SLC30A5: variants seen among roughly 807,000 people sequenced by gnomAD.
SLC30A5 encodes the protein solute carrier family 30 member 5.
A neutral mutation model predicts 79.6 loss-of-function variants in SLC30A5; 33 were observed. That is an observed-to-expected ratio of 0.41 (90% CI 0.31 to 0.55). The LOEUF (loss-of-function observed/expected upper bound fraction) is 0.55, where lower values mean the gene tolerates loss of function less well. Among genes scored for constraint, SLC30A5 ranks in the 20% least tolerant of loss-of-function variants. SLC30A5 has a pLI of 0.20. For missense variants in SLC30A5, 788 were observed against 928.1 expected (o/e 0.85, Z 1.96); for synonymous variants, 299 against 319.7 (o/e 0.94, Z 0.69).
chr5:69,108,799 G>A (rs1309798033), intron 5 of SLC30A5, among the ~76,000 whole-genome samples: 2 of 138,540 alleles, frequency 1.4e-5, no homozygotes, highest in Non-Finnish European at 3.0e-5. Context: ...TCCAACCTGG[G>A]CAATAGAGTG....
At chr5:69,101,113 G>A (rs1258178849) in intron 2 of SLC30A5, among the ~76,000 whole-genome samples, 184 bp downstream of exon 2, 1 of 152,180 alleles carries the variant, frequency 6.6e-6, no homozygotes, top group South Asian at 2.1e-4. Flanking sequence ...AAAAGAAAAC[G>A]GATTGTTGTG....
chr5:69,113,266 G>A, intron 6 of SLC30A5, 39 bp downstream of exon 6: 1 of 1,508,910 alleles, frequency 6.6e-7, no homozygotes, highest in South Asian at 1.2e-5. Flanking sequence ...TTCAAGTCTT[G>A]AGGAAAACTA....
Position 69,094,240 on chromosome 5 carries a change from GCT to G in SLC30A5, c.-14_-13del. 8.3e-7 allele frequency: 1 copy of G among 1,208,524 alleles called. No individual in the cohort carries two copies. The highest frequency in any genetic ancestry group is 1.1e-6 in the Non-Finnish European group (1 of 949,196). 74.9% of individuals were successfully genotyped at this position (1,208,524 alleles called of 1,614,324 possible). ...CCCCGCGACAGGGGCAGCGGCGGCG[GCT>G]CGTGAGCCCCGGGATGGAGGAGAAA... On this transcript the variant is annotated 5_prime_UTR_variant, in exon 1 of 16. It removes the in-frame stop codon of an upstream open reading frame in the 5' UTR. Coordinates refer to ENST00000396591, the MANE Select transcript of SLC30A5 (RefSeq NM_022902.5).
At position 69,129,636 on chromosome 5, in the gene SLC30A5, C is replaced by A; in HGVS notation, c.*19C>A. 1 of 1,580,642 alleles carries A rather than the reference C, an allele frequency of 6.3e-7. No individual in the cohort carries two copies. The highest frequency in any genetic ancestry group is 1.8e-5 in the Admixed American group (1 of 55,436). On this transcript the variant is annotated 3_prime_UTR_variant, in exon 16 of 16. Transcript: ENST00000396591. ...CATGTGAGATAACTCAAGAATTACCCCTGGAGAATAAACAATGAAGATTAA... is the reference window on the plus strand; with the variant it reads ...CATGTGAGATAACTCAAGAATTACCACTGGAGAATAAACAATGAAGATTAA...
rs1462747635 is a variant in SLC30A5 at position 69,131,033 on chromosome 5, CTT to C, written c.*1417_*1418del. 4 of 151,916 alleles carry C rather than the reference CTT, an allele frequency of 2.6e-5. No homozygotes were observed. The highest frequency in any genetic ancestry group is 5.9e-5 in the Non-Finnish European group (4 of 68,010). The allele number at this position is 151,916 out of a possible 1,614,324, so 9.4% of individuals were successfully genotyped here. On this transcript the variant is annotated 3_prime_UTR_variant, in exon 16 of 16. Transcript: ENST00000396591. Reference sequence around the variant, plus strand: ...CTTTTGCATATTTTTTGGCCAAAATCTTCAATACATATTAAAATTTTTGAGTG... The same window carrying C: ...CTTTTGCATATTTTTTGGCCAAAATCCAATACATATTAAAATTTTTGAGTG...
chr5:69,110,797 C>A (rs115577080), intron 5 of SLC30A5, among the ~76,000 whole-genome samples: 2,387 of 152,190 alleles, frequency 0.016, 35 homozygotes, highest in Non-Finnish European at 0.026. Flanking sequence ...ATAAATCACC[C>A]ATTTCAGTTT....
rs1745654123 is a variant in SLC30A5 at position 69,094,317 on chromosome 5, C to T, written c.62C>T (p.Pro21Leu). Residue 21 changes from proline (P) to leucine (L), a missense_variant, in exon 1 of 16, where the codon CCG (proline) becomes CTG (leucine). By Grantham distance (98) the Pro-to-Leu change is moderately conservative. Coordinates refer to ENST00000396591, the MANE Select transcript of SLC30A5 (RefSeq NM_022902.5). ...CCCGGCGGCGGCGGCGGCCTTGGGC[C>T]GGTGGACGTACCCAGCGCTCGGTAA... is the stretch of plus-strand genomic sequence containing the variant. Reference protein sequence around the residue: ...AGPGGGGGLGPVDVPSARLTK... With the variant: ...AGPGGGGGLGLVDVPSARLTK... The T allele has an allele frequency of 8.0e-7, 1 of 1,253,998 alleles. No homozygotes were observed. The highest frequency in any genetic ancestry group is 1.0e-6 in the Non-Finnish European group (1 of 992,096). 77.7% of individuals were successfully genotyped at this position (1,253,998 alleles called of 1,614,324 possible).
chr5:69,128,136 A>T lies in SLC30A5; in HGVS notation c.2127+4A>T. The T allele has an allele frequency of 1.2e-6, 2 of 1,600,710 alleles. No individual in the cohort carries two copies. The highest frequency in any genetic ancestry group is 1.7e-6 in the Non-Finnish European group (2 of 1,174,086). ...AGAACAAAGAATAGTACAGCAGGTAATCTTTTGTTTTTAAAGTAATTTTAA... is the reference window on the plus strand; with the variant it reads ...AGAACAAAGAATAGTACAGCAGGTATTCTTTTGTTTTTAAAGTAATTTTAA... On this transcript the variant is annotated splice_donor_region_variant and intron_variant, in intron 15 of 15. Transcript: ENST00000396591.
chr5:69,107,515 CTTATGTTCTGTATATAATT>C (rs143544250), intron 4 of SLC30A5, among the ~76,000 whole-genome samples: 4,936 of 152,112 alleles, frequency 0.032, 259 homozygotes, highest in African/African-American at 0.11. Flanking sequence ...ATTATCAAGT[CTTATGTTCTGTATATAATT>C]GTATGTACTG....
chr5:69,114,605 G>A (rs1295970787), intron 7 of SLC30A5, 109 bp downstream of exon 7: 5 of 747,022 alleles, frequency 6.7e-6, no homozygotes, highest in Admixed American at 2.2e-5. Context: ...AGTGGCTCAC[G>A]CCTGAAATCC....
intron 12 of SLC30A5, among the ~76,000 whole-genome samples, chr5:69,121,439 C>G (rs2111990326): frequency 6.6e-6 from 1 of 152,102 alleles, no homozygotes; most frequent in East Asian, 1.9e-4. Flanking sequence ...AAGTACATAC[C>G]ATTCTTAATT....
chr5:69,104,933 G>A (rs1746043094), intron 4 of SLC30A5, among the ~76,000 whole-genome samples: 1 of 152,152 alleles, frequency 6.6e-6, no homozygotes, highest in Non-Finnish European at 1.5e-5. Context: ...ATTTGTCATA[G>A]ATATTTTACT....
At chr5:69,124,232 CAAA>C (rs752521696) in intron 14 of SLC30A5, among the ~76,000 whole-genome samples, 1 of 101,656 alleles carries the variant, frequency 9.8e-6, no homozygotes. Flanking sequence ...CTGGACAGCA[CAAA>C]AAAAAAAATA....
chr5:69,125,896 ATT>A (rs1466549835), intron 14 of SLC30A5, among the ~76,000 whole-genome samples: 20 of 136,180 alleles, frequency 1.5e-4, no homozygotes, highest in Non-Finnish European at 1.1e-4. Flanking sequence ...AAAAAAAAAA[ATT>A]AGCTGGGTGT....
At chr5:69,098,941 T>C (rs1356761049) in intron 1 of SLC30A5, among the ~76,000 whole-genome samples, 3 of 152,190 alleles carry the variant, frequency 2.0e-5, no homozygotes, top group Non-Finnish European at 2.9e-5. Context: ...ATACCCACAA[T>C]TAAAGGACTT....
intron 7 of SLC30A5, 39 bp downstream of exon 7, chr5:69,114,535 G>A: frequency 7.9e-7 from 1 of 1,264,744 alleles, no homozygotes; most frequent in Non-Finnish European, 1.2e-6. Flanking sequence ...AAAAGATTCT[G>A]AAAAGTTGTA....
intron 1 of SLC30A5, among the ~76,000 whole-genome samples, chr5:69,098,631 A>C (rs1745815009): frequency 6.6e-6 from 1 of 152,230 alleles, no homozygotes; most frequent in South Asian, 2.1e-4. Flanking sequence ...TCAAGTATCT[A>C]CTATGTAGAA....
Position 69,128,131 on chromosome 5 carries a change from A to T in SLC30A5, c.2126A>T (p.Gln709Leu). ...SDVLEQRIVQ[Q>L]VTGILKDAGV... ...GTGCTAGAACAAAGAATAGTACAGC[A>T]GGTAATCTTTTGTTTTTAAAGTAAT... is the stretch of plus-strand genomic sequence containing the variant. The change falls in exon 15 of 16, where the codon CAG becomes CTG. Residue 709 changes from glutamine to leucine, a missense_variant and splice_region_variant. Physicochemically the swap from Gln to Leu is moderately radical, Grantham distance 113 (BLOSUM62 -2). Coordinates refer to ENST00000396591, the MANE Select transcript of SLC30A5 (RefSeq NM_022902.5). 6.2e-7 allele frequency: 1 copy of T among 1,602,202 alleles called. No individual in the cohort carries two copies. Among genetic ancestry groups the T allele is most frequent in the Non-Finnish European group, 8.5e-7 (1 of 1,174,868 alleles).
At chr5:69,110,589 C>G (rs1254229356) in intron 5 of SLC30A5, among the ~76,000 whole-genome samples, 1 of 152,064 alleles carries the variant, frequency 6.6e-6, no homozygotes, top group Non-Finnish European at 1.5e-5. Flanking sequence ...ACAAAATAGA[C>G]ATTTGTAAAA....
Sources: allele counts gnomAD v4.1 joint callset (sites outside exome capture counted in the v4.1 genomes callset), GRCh38; gene constraint gnomAD v4.1.1; transcripts MANE v1.5; gene names NCBI Gene and HGNC (gene_info 2026-07-23, HGNC 2026-07-21).